AOAH: variants seen among roughly 807,000 people sequenced by gnomAD.
AOAH encodes acyloxyacyl hydrolase (neutrophil).
In AOAH, 64 loss-of-function variants were observed where a neutral mutation model predicts 92.2. That is an observed-to-expected ratio of 0.69 (90% CI 0.57 to 0.86). The LOEUF (loss-of-function observed/expected upper bound fraction) is 0.86. AOAH is among the 40% of genes least tolerant of loss of function. The pLI is 0.00. For synonymous variants in AOAH, 263 were observed against 254.5 expected (o/e 1.03, Z -0.32); for missense variants, 656 against 694.6 (o/e 0.94, Z 0.62).
At chr7:36,628,804 C>T (rs752611362) in intron 6 of AOAH, among the ~76,000 whole-genome samples, 10 of 152,180 alleles carry the variant, frequency 6.6e-5, no homozygotes, top group Non-Finnish European at 1.5e-4. Context: ...ACAGAAGACA[C>T]GCAGGTCTTG....
intron 9 of AOAH, 48 bp from the exon 10 acceptor site, chr7:36,618,393 A>C: frequency 6.5e-7 from 1 of 1,547,856 alleles, no homozygotes. Context: ...TAAATTTATG[A>C]GATACATATA....
Position 36,650,169 on chromosome 7 carries a change from C to T in AOAH, c.390+8997G>A, listed in dbSNP as rs371365622. On this transcript the variant is annotated intron_variant, in intron 4 of 20. Transcript: ENST00000617537. ...CACCGTCTTGGAAGTGGCCCACCAC[C>T]GTCTTGGGAGCTCTGGGAGCAAGGA... 2.3e-4 allele frequency among the ~76,000 whole-genome samples: 31 copies of T among 134,642 alleles called. 1 individual carries two copies. The highest frequency in any genetic ancestry group is 1.3e-3 in the Admixed American group (17 of 13,526). 88.3% of individuals were successfully genotyped at this position (134,642 alleles called of 152,430 possible). A position where few individuals can be genotyped will look rare whatever the true frequency, so the allele number is the denominator to read the frequency against.
chr7:36,717,306 C>G (rs1799271165), intron 1 of AOAH, among the ~76,000 whole-genome samples: 1 of 152,126 alleles, frequency 6.6e-6, no homozygotes. Context: ...CAACAATACC[C>G]TGCTTCAGTG....
intron 20 of AOAH, among the ~76,000 whole-genome samples, chr7:36,519,253 C>T (rs60971678): frequency 0.028 from 4,203 of 152,276 alleles, 197 homozygotes; most frequent in African/African-American, 0.096. Flanking sequence ...GTCAACTCCA[C>T]GGTCATACTC....
At chr7:36,702,763 C>G (rs1798109215) in intron 1 of AOAH, among the ~76,000 whole-genome samples, 1 of 152,104 alleles carries the variant, frequency 6.6e-6, no homozygotes, top group African/African-American at 2.4e-5. Context: ...GTTGACTGAT[C>G]AGGGTGGTGG....
chr7:36,600,379 T>C (rs1335276520), intron 11 of AOAH, among the ~76,000 whole-genome samples: 1 of 152,140 alleles, frequency 6.6e-6, no homozygotes, highest in Non-Finnish European at 1.5e-5. Flanking sequence ...GCCCCTCTTA[T>C]GATGAGCACC....
At chr7:36,524,374 C>T (rs56329476) in intron 19 of AOAH, among the ~76,000 whole-genome samples, 3,735 of 151,724 alleles carry the variant, frequency 0.025, 163 homozygotes, top group African/African-American at 0.087. Flanking sequence ...CAGCCAGGTG[C>T]GGTGGCTCAC....
chr7:36,645,889 A>T (rs76770424), intron 4 of AOAH, among the ~76,000 whole-genome samples: 2,611 of 151,928 alleles, frequency 0.017, 71 homozygotes, highest in African/African-American at 0.06. Flanking sequence ...CCTTAGCTAA[A>T]TTTTCTTCTT....
chr7:36,545,763 T>C (rs992976754), intron 15 of AOAH, among the ~76,000 whole-genome samples: 2 of 152,248 alleles, frequency 1.3e-5, no homozygotes, highest in African/African-American at 4.8e-5. Context: ...TAGATGCTTG[T>C]ATAATTCTAT....
chr7:36,589,329 A>G (rs535451685), intron 12 of AOAH, among the ~76,000 whole-genome samples: 3 of 152,312 alleles, frequency 2.0e-5, no homozygotes, highest in East Asian at 1.9e-4. Flanking sequence ...CAAGCACTCA[A>G]TATCACACAA....
At chr7:36,621,238 T>G (rs1194515277) in intron 8 of AOAH, among the ~76,000 whole-genome samples, 1 of 152,236 alleles carries the variant, frequency 6.6e-6, no homozygotes, top group African/African-American at 2.4e-5. Flanking sequence ...GCATATCTGT[T>G]TTTTGATACC....
chr7:36,648,946 C>T (rs890066734), intron 4 of AOAH, among the ~76,000 whole-genome samples: 1 of 152,068 alleles, frequency 6.6e-6, no homozygotes, highest in African/African-American at 2.4e-5. Flanking sequence ...AATTATACAA[C>T]GTTACAACCA....
At chr7:36,719,965 C>G (rs1254428337) in intron 1 of AOAH, among the ~76,000 whole-genome samples, 2 of 151,314 alleles carry the variant, frequency 1.3e-5, no homozygotes, top group African/African-American at 4.9e-5. Context: ...ATGAATCATT[C>G]TTGCTCAGAT....
At chr7:36,681,644 A>C (rs1287759879) in intron 2 of AOAH, among the ~76,000 whole-genome samples, 2 of 152,148 alleles carry the variant, frequency 1.3e-5, no homozygotes, top group Non-Finnish European at 2.9e-5. Flanking sequence ...GTGTCTACTA[A>C]AAATGCAAAA....
intron 1 of AOAH, among the ~76,000 whole-genome samples, chr7:36,689,062 G>C (rs564434043): frequency 6.6e-6 from 1 of 152,122 alleles, no homozygotes; most frequent in Non-Finnish European, 1.5e-5. Flanking sequence ...TGCAGTGGTT[G>C]GTTGCTGGGG....
chr7:36,628,905 A>G (rs1442081972), intron 6 of AOAH, among the ~76,000 whole-genome samples: 3 of 152,220 alleles, frequency 2.0e-5, no homozygotes, highest in African/African-American at 4.8e-5. Flanking sequence ...TGAGGGGTCA[A>G]TGGAAAGCAA....
At chr7:36,532,716 C>G (rs1158249006) in intron 16 of AOAH, among the ~76,000 whole-genome samples, 1 of 152,186 alleles carries the variant, frequency 6.6e-6, no homozygotes, top group Non-Finnish European at 1.5e-5. Context: ...TCTCCTGGCC[C>G]TGGTATGAAA....
In AOAH at chr7:36,517,236, C is replaced by CTTTT. The variant is rs1346541472; in HGVS notation, c.1600-3857_1600-3856insAAAA. ...TTTCTCTTTCTTTCTGTCTCTCTCT[C>CTTTT]TCTCTCTCTTTCTTTCTGTGTCTCT... On this transcript the variant is annotated intron_variant, in intron 20 of 20. Transcript: ENST00000617537. Among the ~76,000 whole-genome samples the CTTTT allele has an allele frequency of 6.9e-4, 39 of 56,782 alleles. 1 individual carries two copies. Among genetic ancestry groups the CTTTT allele is most frequent in the Admixed American group, 1.5e-3 (6 of 4,120 alleles). The allele number at this position is 56,782 out of a possible 152,430, so 37.3% of individuals were successfully genotyped here. A position where few individuals can be genotyped will look rare whatever the true frequency, so the allele number is the denominator to read the frequency against.
intron 13 of AOAH, among the ~76,000 whole-genome samples, chr7:36,569,217 A>T (rs1174370233): frequency 6.6e-6 from 1 of 152,178 alleles, no homozygotes. Flanking sequence ...AGAGGTGTGT[A>T]TATAAAGGTT....
Sources: allele counts gnomAD v4.1 joint callset (sites outside exome capture counted in the v4.1 genomes callset), GRCh38; gene constraint gnomAD v4.1.1; transcripts MANE v1.5; gene names NCBI Gene and HGNC (gene_info 2026-07-23, HGNC 2026-07-21).